The following THSD7A variants were observed in gnomAD, a reference collection of about 807,000 sequenced individuals.
The protein encoded by THSD7A is thrombospondin type-1 domain-containing protein 7A.
Under a neutral mutation model 231.3 loss-of-function variants are expected in THSD7A, and 96 were observed. That is an observed-to-expected ratio of 0.41 (90% CI 0.35 to 0.49). The LOEUF (loss-of-function observed/expected upper bound fraction) is 0.49, where lower values mean the gene tolerates loss of function less well. THSD7A is among the 20% of genes least tolerant of loss of function. The probability of loss-of-function intolerance (pLI) is 0.05; values close to 1 mark genes in which losing one functional copy is unlikely to be tolerated. For missense variants in THSD7A, 2,290 were observed against 2,070.2 expected (o/e 1.11, Z -2.06); for synonymous variants, 940 against 743.3 (o/e 1.26, Z -4.30).
At chr7:11,614,765 G>C (rs1781050044) in intron 2 of THSD7A, among the ~76,000 whole-genome samples, 1 of 151,742 alleles carries the variant, frequency 6.6e-6, no homozygotes, top group Non-Finnish European at 1.5e-5. Context: ...AATTTATATA[G>C]AGTATGTTGG....
At chr7:11,821,825 G>C (rs1344147786) in intron 1 of THSD7A, among the ~76,000 whole-genome samples, 1 of 152,000 alleles carries the variant, frequency 6.6e-6, no homozygotes, top group African/African-American at 2.4e-5. Flanking sequence ...TTTTCCCATA[G>C]CATAACTTTG....
At chr7:11,774,243 A>G (rs1315485813) in intron 1 of THSD7A, among the ~76,000 whole-genome samples, 1 of 152,196 alleles carries the variant, frequency 6.6e-6, no homozygotes, top group African/African-American at 2.4e-5. Context: ...TTTCCGAAAG[A>G]CAAAAACTGT....
intron 6 of THSD7A, among the ~76,000 whole-genome samples, chr7:11,527,043 G>A (rs1463583051): frequency 6.6e-6 from 1 of 152,114 alleles, no homozygotes; most frequent in African/African-American, 2.4e-5. Context: ...TGTTGATAAT[G>A]TTTAAATGTT....
rs554468057 is a variant in THSD7A at position 11,441,931 on chromosome 7, T to C, written c.3064+4130A>G. ...AACCACCATGGCGTATGTATACCTA[T>C]GTAACAAACCTGCAGGTTCTGCACA... On this transcript the variant is annotated intron_variant, in intron 13 of 27. Coordinates refer to ENST00000423059, the MANE Select transcript of THSD7A (RefSeq NM_015204.3). Among the ~76,000 whole-genome samples, 58 of 152,130 alleles carry C rather than the reference T, an allele frequency of 3.8e-4. 2 individuals are homozygous for C. The South Asian group carries it at 0.012, about 31-fold the overall frequency.
chr7:11,540,088 T>C (rs903414201), intron 6 of THSD7A, among the ~76,000 whole-genome samples: 1 of 151,712 alleles, frequency 6.6e-6, no homozygotes, highest in Non-Finnish European at 1.5e-5. Flanking sequence ...GAGTGTTACT[T>C]CCTCCTTTTT....
intron 2 of THSD7A, among the ~76,000 whole-genome samples, chr7:11,623,276 C>T (rs1290985517): frequency 6.6e-6 from 1 of 152,108 alleles, no homozygotes; most frequent in Non-Finnish European, 1.5e-5. Flanking sequence ...CACTCCTCTT[C>T]CCACTTAGGG....
chr7:11,745,135 C>G (rs1782244123), intron 1 of THSD7A, among the ~76,000 whole-genome samples: 2 of 152,094 alleles, frequency 1.3e-5, no homozygotes, highest in Admixed American at 6.6e-5. Flanking sequence ...AATCGCCACT[C>G]TAACTGGTGT....
intron 16 of THSD7A, among the ~76,000 whole-genome samples, chr7:11,424,428 A>T (rs1318272717): frequency 1.3e-5 from 2 of 152,222 alleles, no homozygotes; most frequent in Admixed American, 6.5e-5. Flanking sequence ...TGGGGTTGAA[A>T]ATCTGCATTA....
chr7:11,403,464 G>C (rs1290301378), intron 22 of THSD7A, among the ~76,000 whole-genome samples: 3 of 152,148 alleles, frequency 2.0e-5, no homozygotes, highest in Non-Finnish European at 2.9e-5. Context: ...AATAGTCTGA[G>C]AAAGTTTTAG....
chr7:11,470,689 A>C (rs968379515), intron 8 of THSD7A, among the ~76,000 whole-genome samples: 20 of 151,834 alleles, frequency 1.3e-4, no homozygotes, highest in African/African-American at 4.8e-4. Context: ...TATAAACTAC[A>C]ATATCTTTTT....
chr7:11,424,117 A>G (rs1784240834), intron 16 of THSD7A, among the ~76,000 whole-genome samples: 1 of 152,072 alleles, frequency 6.6e-6, no homozygotes, highest in Admixed American at 6.5e-5. Flanking sequence ...TGCCAGCCAC[A>G]TGTGGCTATG....
rs775913875 is a variant in THSD7A, at chr7:11,543,082, G to T, written c.1489C>A (p.Pro497Thr). 6.2e-7 allele frequency: 1 copy of T among 1,613,098 alleles called. No homozygotes were observed. Among genetic ancestry groups the T allele is most frequent in the South Asian group, 1.1e-5 (1 of 90,790 alleles). ...CACAGCTGTGTAGTATTAGGGATAG[G>T]TCCAGTGCATAATTTTAAGTCCATT... ...KPMDLKLCTG[P>T]IPNTTQLCHI... The change falls in exon 5 of 28, where the codon CCT becomes ACT. Residue 497 changes from proline to threonine, a missense_variant. By Grantham distance (38) the Pro-to-Thr change is conservative. Coordinates refer to ENST00000423059, the MANE Select transcript of THSD7A (RefSeq NM_015204.3).
intron 2 of THSD7A, among the ~76,000 whole-genome samples, chr7:11,631,999 A>T (rs1046691987): frequency 6.6e-6 from 1 of 152,130 alleles, no homozygotes; most frequent in African/African-American, 2.4e-5. Context: ...TAATTGGTAA[A>T]CAGTTCCTTA....
intron 4 of THSD7A, among the ~76,000 whole-genome samples, chr7:11,563,247 A>C (rs1790151071): frequency 6.6e-6 from 1 of 152,178 alleles, no homozygotes; most frequent in Non-Finnish European, 1.5e-5. Context: ...TTTATTCCTC[A>C]ATCAATTTTG....
intron 1 of THSD7A, among the ~76,000 whole-genome samples, chr7:11,819,816 T>C (rs938556838): frequency 1.3e-5 from 2 of 152,126 alleles, no homozygotes; most frequent in African/African-American, 4.8e-5. Flanking sequence ...ACCATGGACG[T>C]TGGTTAATAA....
At chr7:11,546,204 T>TGCACACACACACACACACACA (rs1562706169) in intron 4 of THSD7A, among the ~76,000 whole-genome samples, 2 of 140,360 alleles carry the variant, frequency 1.4e-5, no homozygotes, top group East Asian at 2.3e-4. Flanking sequence ...GGGCGCGCGC[T>TGCACACACACACACACACACA]CACACACACA....
chr7:11,440,773 C>T (rs900953370), intron 13 of THSD7A, among the ~76,000 whole-genome samples: 1 of 152,026 alleles, frequency 6.6e-6, no homozygotes, highest in Non-Finnish European at 1.5e-5. Flanking sequence ...AAGATGGAAT[C>T]TGCTCCGGGT....
At chr7:11,564,238 T>A (rs7799796) in intron 4 of THSD7A, among the ~76,000 whole-genome samples, 1 of 151,970 alleles carries the variant, frequency 6.6e-6, no homozygotes, top group Admixed American at 6.6e-5. Flanking sequence ...TATTCTAGTT[T>A]TAACTTCCCA....
At chr7:11,739,070 T>C (rs1782016010) in intron 1 of THSD7A, among the ~76,000 whole-genome samples, 1 of 152,052 alleles carries the variant, frequency 6.6e-6, no homozygotes, top group African/African-American at 2.4e-5. Context: ...ATTATTTTTA[T>C]TCGGTGGCCC....
Sources: gnomAD v4.1 joint callset for allele counts (sites outside exome capture counted in the v4.1 genomes callset) on GRCh38, gnomAD v4.1.1 for gene constraint, MANE v1.5 for transcripts, NCBI Gene and HGNC (gene_info 2026-07-23, HGNC 2026-07-21) for gene names.